ADAMTS10: variants seen among roughly 807,000 people sequenced by gnomAD.
ADAMTS10 encodes the protein ADAM metallopeptidase with thrombospondin type 1 motif 10, also known as A disintegrin and metalloproteinase with thrombospondin motifs 10.
Under a neutral mutation model 135.9 loss-of-function variants are expected in ADAMTS10, and 48 were observed. That is an observed-to-expected ratio of 0.35 (90% confidence interval 0.28 to 0.45). ADAMTS10 has a LOEUF of 0.45. Ranked by LOEUF, ADAMTS10 falls within the 20% of genes least tolerant of loss-of-function variation. ADAMTS10 has a pLI of 1.00. For missense variants in ADAMTS10, 1,131 were observed against 1,565.2 expected (o/e 0.72, Z 4.68); for synonymous variants, 621 against 647.5 (o/e 0.96, Z 0.62).
At position 8,586,365 on chromosome 19, in the gene ADAMTS10, A is replaced by C; in HGVS notation, c.2509T>G (p.Cys837Gly). The C allele has an allele frequency of 6.2e-7, 1 of 1,613,748 alleles. No homozygotes were observed. The highest frequency in any genetic ancestry group is 1.3e-5 in the African/African-American group (1 of 75,018). The change falls in exon 21 of 26, where the codon TGC becomes GGC. Residue 837 changes from cysteine to glycine, a missense_variant. Physicochemically the swap from Cys to Gly is radical, Grantham distance 159. This residue lies in a region of ADAMTS10 where 745 missense variants were observed against 1,056.3 expected (regional missense o/e 0.71). Transcript: ENST00000597188. ...YSWHYAPWTK[C>G]SAQCAGGSQV... ...TCACCGCCTGCACACTGGGCCGAGC[A>C]CTTGGTCCAGGGCGCATAGTGCCAG...
rs2042334047 is a variant in ADAMTS10 at position 8,580,814 on chromosome 19, C to G, written c.*79G>C. On this transcript the variant is annotated 3_prime_UTR_variant, in exon 26 of 26. Coordinates refer to ENST00000597188, the MANE Select transcript of ADAMTS10 (RefSeq NM_030957.4). Reference sequence around the variant, plus strand: ...CCTTCCCTCCCAGTTCCCGCCCCCCCGGGGCCCCCTCTGGCCGGCCCGCTG... The same window carrying G: ...CCTTCCCTCCCAGTTCCCGCCCCCCGGGGGCCCCCTCTGGCCGGCCCGCTG... The G allele has an allele frequency of 5.0e-6, 6 of 1,204,176 alleles. No individual in the cohort carries two copies. Among genetic ancestry groups the G allele is most frequent in the Non-Finnish European group, 5.9e-6 (5 of 847,012 alleles). The allele number at this position is 1,204,176 out of a possible 1,614,324, so 74.6% of individuals were successfully genotyped here.
At chr19:8,593,054 A>C (rs2042562646) in intron 12 of ADAMTS10, 184 bp from the exon 13 acceptor site, 1 of 647,332 alleles carries the variant, frequency 1.5e-6, no homozygotes, top group South Asian at 1.7e-5. Context: ...TGTGACTTAT[A>C]CTCTCCCAAT....
chr19:8,601,241 C>T lies in ADAMTS10; in HGVS notation c.593-96G>A. 1 of 1,343,342 alleles carries T rather than the reference C, an allele frequency of 7.4e-7. No individual in the cohort carries two copies. The highest frequency in any genetic ancestry group is 1.0e-6 in the Non-Finnish European group (1 of 968,156). The allele number at this position is 1,343,342 out of a possible 1,614,324, so 83.2% of individuals were successfully genotyped here. On this transcript the variant is annotated intron_variant, in intron 5 of 25. Coordinates refer to ENST00000597188, the MANE Select transcript of ADAMTS10 (RefSeq NM_030957.4). This position sits in a 1 kb window ranked among gnomAD's most constrained non-coding sequence, Gnocchi z 4.6. ...GTCCAACCTCTGACTGGCTACCTCT[C>T]TACCCAACAGTCTGGACAGACAATT...
chr19:8,605,839 C>T lies in ADAMTS10; in HGVS notation c.-99-30G>A. Reference sequence around the variant, plus strand: ...GAGGGGGGAGCCAGGTAAGGGGGCGCCTGGTCCCGCTGTCCAGCACAACCA... The same window carrying T: ...GAGGGGGGAGCCAGGTAAGGGGGCGTCTGGTCCCGCTGTCCAGCACAACCA... On this transcript the variant is annotated intron_variant, in intron 2 of 25. Transcript: ENST00000597188. This position sits in a 1 kb window ranked among gnomAD's most constrained non-coding sequence, Gnocchi z 7.7. 3 of 1,486,164 alleles carry T rather than the reference C, an allele frequency of 2.0e-6. No individual in the cohort carries two copies. The highest frequency in any genetic ancestry group is 2.7e-6 in the Non-Finnish European group (3 of 1,120,984). The allele number at this position is 1,486,164 out of a possible 1,614,324, so 92.1% of individuals were successfully genotyped here.
In ADAMTS10 at chr19:8,603,705, C is replaced by T. The variant is rs73922167; in HGVS notation, c.592+23G>A. The T allele has an allele frequency of 5.3e-3, 8,633 of 1,613,930 alleles. 361 individuals carry two copies. In the African/African-American group the frequency reaches 0.095, roughly 18 times the overall value. Reference sequence around the variant, plus strand: ...GAAAGATACTGTGTAGCCCTCTGCCCATCCCCAGAAAGACCGATGTACCTC... The same window carrying T: ...GAAAGATACTGTGTAGCCCTCTGCCTATCCCCAGAAAGACCGATGTACCTC... On this transcript the variant is annotated intron_variant, in intron 5 of 25. Transcript: ENST00000597188.
Position 8,580,732 on chromosome 19 carries a change from C to T in ADAMTS10, c.*161G>A, listed in dbSNP as rs1461473472. 1 of 614,808 alleles carries T rather than the reference C, an allele frequency of 1.6e-6. No homozygotes were observed. 38.1% of individuals were successfully genotyped at this position (614,808 alleles called of 1,614,324 possible). On this transcript the variant is annotated 3_prime_UTR_variant, in exon 26 of 26. Transcript: ENST00000597188. ...GGGGGGATAGCCAGCCCCTCTCCAT[C>T]CCCCCAGCCAGGGCCCTGCAGGGGT...
intron 18 of ADAMTS10, among the ~76,000 whole-genome samples, 174 bp downstream of exon 18, chr19:8,589,068 A>T (rs1231504679): frequency 1.3e-5 from 2 of 152,162 alleles, no homozygotes; most frequent in Non-Finnish European, 2.9e-5. Flanking sequence ...ATGGGATTAT[A>T]GGCTTGAGCC....
intron 12 of ADAMTS10, chr19:8,595,546 T>A (rs1205351737): frequency 8.8e-6 from 6 of 679,096 alleles, no homozygotes; most frequent in Non-Finnish European, 1.2e-5. Context: ...AAGCAGGTGA[T>A]CCCATTTTTG....
At chr19:8,591,338 G>A (rs1049799169) in intron 15 of ADAMTS10, among the ~76,000 whole-genome samples, 7 of 151,800 alleles carry the variant, frequency 4.6e-5, no homozygotes, top group South Asian at 2.1e-4. Context: ...GGTTGGGGAC[G>A]AGAAGGTGGT....
Position 8,596,085 on chromosome 19 carries a change from G to A in ADAMTS10, c.1325C>T (p.Thr442Ile). Reference protein sequence around the residue: ...VWSSCSRDYITSFLDSGLGLC... With the variant: ...VWSSCSRDYIISFLDSGLGLC... Reference sequence around the variant, plus strand: ...GGTGCATCCTCACTCTAGAAAGCTGGTGATGTAGTCACGGCTGCAGGATGA... The same window carrying A: ...GGTGCATCCTCACTCTAGAAAGCTGATGATGTAGTCACGGCTGCAGGATGA... Residue 442 changes from threonine to isoleucine, a missense_variant, in exon 11 of 26, where the codon ACC (threonine) becomes ATC (isoleucine). By Grantham distance (89) the Thr-to-Ile change is moderately conservative. Around this residue, in one of 3 missense-constraint regions of ADAMTS10, gnomAD observed 745 missense variants for 1,056.3 expected, o/e 0.71. Coordinates refer to ENST00000597188, the MANE Select transcript of ADAMTS10 (RefSeq NM_030957.4). This position sits in a 1 kb window ranked among gnomAD's most constrained non-coding sequence, Gnocchi z 7.2. 6.2e-7 allele frequency: 1 copy of A among 1,614,226 alleles called. No individual in the cohort carries two copies. The highest frequency in any genetic ancestry group is 8.5e-7 in the Non-Finnish European group (1 of 1,180,028).
chr19:8,593,060 C>T (rs977185915), intron 12 of ADAMTS10, 190 bp from the exon 13 acceptor site: 9 of 632,916 alleles, frequency 1.4e-5, no homozygotes, highest in Middle Eastern at 4.1e-4. Flanking sequence ...TTATACTCTC[C>T]CAATAAGCTC....
At chr19:8,591,077 G>C (rs2042518668) in intron 15 of ADAMTS10, among the ~76,000 whole-genome samples, 1 of 152,170 alleles carries the variant, frequency 6.6e-6, no homozygotes, top group African/African-American at 2.4e-5. Context: ...GATGGTTGCA[G>C]GTCAGCTGAG....
At chr19:8,609,565 C>T (rs1269740932) in intron 1 of ADAMTS10, among the ~76,000 whole-genome samples, 1 of 152,058 alleles carries the variant, frequency 6.6e-6, no homozygotes, top group Non-Finnish European at 1.5e-5. Flanking sequence ...CACATCTGGC[C>T]GGGCCGGCAG....
At chr19:8,590,028 C>T in intron 15 of ADAMTS10, 37 bp from the exon 16 acceptor site, 1 of 1,471,898 alleles carries the variant, frequency 6.8e-7, no homozygotes, top group East Asian at 2.3e-5. Context: ...GGAGGCCAGG[C>T]TTGGGGGGAT....
rs782011421 is a variant in ADAMTS10 at position 8,601,054 on chromosome 19, C to T, written c.684G>A (p.Gln228=). 2 of 1,614,182 alleles carry T rather than the reference C, an allele frequency of 1.2e-6. No homozygotes were observed. Among genetic ancestry groups the T allele is most frequent in the South Asian group, 2.2e-5 (2 of 91,092 alleles). Residue 228 remains glutamine (Q), a synonymous_variant, in exon 6 of 26, where the codon CAG becomes CAA. Transcript: ENST00000597188. This position sits in a 1 kb window ranked among gnomAD's most constrained non-coding sequence, Gnocchi z 4.6. ...GGCTGACCGATCGCTTCAGGCCTGG[C>T]TGGCCACGCTCTGTTTCATTCCCCA... ...RPLGNETERG[Q]PGLKRSVSRE... is the part of the protein sequence containing the mutation.
rs143737080 is a variant in ADAMTS10 at position 8,604,920 on chromosome 19, A to G, written c.435+92T>C. 184 of 1,364,740 alleles carry G rather than the reference A, an allele frequency of 1.3e-4. No individual in the cohort carries two copies. The East Asian group carries it at 3.9e-3, about 29-fold the overall frequency. 84.5% of individuals were successfully genotyped at this position (1,364,740 alleles called of 1,614,324 possible). ...CAAAACACTTAAAAAACATCCCACT[A>G]TCATTCCTTCTCTGCCCTCTATGTA... On this transcript the variant is annotated intron_variant, in intron 4 of 25. Coordinates refer to ENST00000597188, the MANE Select transcript of ADAMTS10 (RefSeq NM_030957.4).
At chr19:8,607,781 T>C (rs1344900187) in intron 2 of ADAMTS10, among the ~76,000 whole-genome samples, 2 of 151,888 alleles carry the variant, frequency 1.3e-5, no homozygotes, top group South Asian at 2.1e-4. Flanking sequence ...GCTGGGCTAA[T>C]GTCCATTCCT....
intron 6 of ADAMTS10, among the ~76,000 whole-genome samples, chr19:8,599,966 C>G (rs1453038890): frequency 6.6e-6 from 1 of 152,034 alleles, no homozygotes; most frequent in Non-Finnish European, 1.5e-5. Flanking sequence ...TCCTGAGTAG[C>G]TGGGATTACA....
In ADAMTS10 at chr19:8,597,057, G is replaced by A. The variant is rs782338237; in HGVS notation, c.970C>T (p.His324Tyr). Residue 324 changes from histidine (H) to tyrosine (Y), a missense_variant, in exon 8 of 26, where the codon CAC becomes TAC. Physicochemically the swap from His to Tyr is moderately conservative, Grantham distance 83. This residue lies in a region of ADAMTS10 where 80 missense variants were observed against 164.4 expected (regional missense o/e 0.49). Coordinates refer to ENST00000597188, the MANE Select transcript of ADAMTS10 (RefSeq NM_030957.4). ...GGAATGGCATTGCCATGGCCGCTGT[G>A]GTTCACGATGGATTTCTGCCACTTA... ...FCKWQKSIVN[H>Y]SGHGNAIPEN... is the part of the protein sequence containing the mutation. The A allele has an allele frequency of 6.2e-7, 1 of 1,614,176 alleles. No individual in the cohort carries two copies. The highest frequency in any genetic ancestry group is 1.1e-5 in the South Asian group (1 of 91,082).
Sources: allele counts gnomAD v4.1 joint callset (sites outside exome capture counted in the v4.1 genomes callset), GRCh38; gene constraint gnomAD v4.1.1; regional missense constraint gnomAD v4.1.1; non-coding constraint Gnocchi (gnomAD v3.1); transcripts MANE v1.5; gene names NCBI Gene and HGNC (gene_info 2026-07-23, HGNC 2026-07-21).